SEMA6A: variants seen among roughly 807,000 people sequenced by gnomAD.
SEMA6A encodes semaphorin-6A.
SEMA6A carries 25 observed loss-of-function variants against 96.8 expected under a neutral mutation model. The observed-to-expected ratio is 0.26, with a 90% CI of 0.19 to 0.36. SEMA6A has a LOEUF of 0.36. SEMA6A is among the 10% of genes least tolerant of loss of function. The probability of loss-of-function intolerance (pLI) is 1.00; values close to 1 mark genes in which losing one functional copy is unlikely to be tolerated. For missense variants in SEMA6A, 1,363 were observed against 1,323.1 expected, an observed-to-expected ratio of 1.03 and a Z score of -0.47; for synonymous variants, 612 against 518.0, an observed-to-expected ratio of 1.18 and a Z score of -2.46.
intron 1 of SEMA6A, among the ~76,000 whole-genome samples, chr5:116,513,995 G>GTA (rs1392609849): frequency 2.0e-5 from 3 of 152,174 alleles, no homozygotes; most frequent in Admixed American, 2.0e-4. Flanking sequence ...ATTCCATCAT[G>GTA]TATATGTACC....
At chr5:116,541,812 G>A (rs1415908206) in intron 1 of SEMA6A, among the ~76,000 whole-genome samples, 2 of 152,140 alleles carry the variant, frequency 1.3e-5, no homozygotes, top group South Asian at 4.1e-4. Flanking sequence ...CAGCCTGGGC[G>A]ACAGAATGGG....
chr5:116,492,740 C>G (rs959555954), intron 6 of SEMA6A, among the ~76,000 whole-genome samples: 2 of 152,154 alleles, frequency 1.3e-5, no homozygotes, highest in African/African-American at 2.4e-5. Flanking sequence ...GAGGCAGATA[C>G]TGAAAATTTG....
In SEMA6A at chr5:116,542,638, G is replaced by A. The variant is rs372653225; in HGVS notation, c.-39+31547C>T. Among the ~76,000 whole-genome samples, 94 of 152,306 alleles carry A rather than the reference G, an allele frequency of 6.2e-4. 1 individual carries two copies. The highest frequency in any genetic ancestry group is 2.0e-3 in the African/African-American group (85 of 41,570). ...ATCACACTCTGCTAGGATTCTAAGAGAATCTGGATTTCTTTGACAGTGAAG... is the reference window on the plus strand; with the variant it reads ...ATCACACTCTGCTAGGATTCTAAGAAAATCTGGATTTCTTTGACAGTGAAG... On this transcript the variant is annotated intron_variant, in intron 1 of 18. Transcript: ENST00000343348.
At chr5:116,527,576 C>G (rs993035677) in intron 1 of SEMA6A, among the ~76,000 whole-genome samples, 3 of 152,196 alleles carry the variant, frequency 2.0e-5, no homozygotes, top group Non-Finnish European at 2.9e-5. Context: ...TTCCTAAGAG[C>G]TGATGTCCTG....
At chr5:116,555,505 T>C (rs147120521) in intron 1 of SEMA6A, among the ~76,000 whole-genome samples, 28 of 152,312 alleles carry the variant, frequency 1.8e-4, no homozygotes, top group African/African-American at 6.7e-4. Flanking sequence ...TTATATAAAA[T>C]AAACTTGTTT....
At chr5:116,512,103 T>C (rs908402134) in intron 1 of SEMA6A, among the ~76,000 whole-genome samples, 1 of 152,214 alleles carries the variant, frequency 6.6e-6, no homozygotes, top group African/African-American at 2.4e-5. Context: ...TATCCTTCAC[T>C]GACCTGGACA....
intron 1 of SEMA6A, among the ~76,000 whole-genome samples, chr5:116,548,073 T>C (rs947301139): frequency 3.9e-5 from 6 of 152,136 alleles, no homozygotes; most frequent in African/African-American, 1.4e-4. Context: ...CCCTGAAACT[T>C]AATTTCCCAC....
intron 1 of SEMA6A, among the ~76,000 whole-genome samples, chr5:116,524,742 G>A (rs1759128464): frequency 1.9e-5 from 1 of 53,654 alleles, no homozygotes; most frequent in African/African-American, 4.2e-5. Context: ...ACCTCCTATA[G>A]AATGTGTGTA....
At chr5:116,488,301 T>C in intron 8 of SEMA6A, 105 bp from the exon 9 acceptor site, 1 of 745,576 alleles carries the variant, frequency 1.3e-6, no homozygotes, top group Admixed American at 2.4e-5. Flanking sequence ...TGTAGCACCA[T>C]TAGACATTTG....
At chr5:116,466,671 A>T (rs944008524) in intron 18 of SEMA6A, among the ~76,000 whole-genome samples, 1 of 152,216 alleles carries the variant, frequency 6.6e-6, no homozygotes, top group African/African-American at 2.4e-5. Flanking sequence ...ACTGTCTTCC[A>T]AGGGTCACAG....
intron 1 of SEMA6A, among the ~76,000 whole-genome samples, chr5:116,541,639 C>T (rs1053954456): frequency 2.0e-5 from 3 of 152,128 alleles, no homozygotes; most frequent in Non-Finnish European, 4.4e-5. Flanking sequence ...TCGAGACCAG[C>T]CTGGCCAACA....
chr5:116,519,385 T>A (rs1185539037), intron 1 of SEMA6A, among the ~76,000 whole-genome samples: 1 of 152,174 alleles, frequency 6.6e-6, no homozygotes, highest in Non-Finnish European at 1.5e-5. Flanking sequence ...ACATGAGATG[T>A]GAGAAAATAT....
At position 116,445,795 on chromosome 5, in the gene SEMA6A, C is replaced by T. The variant is rs899038266; in HGVS notation, c.*818G>A. ...GTAAAAATAAAGAAACTCAATTATTCCAGTTAATGGATTTCACGTTAAATA... is the reference window on the plus strand; with the variant it reads ...GTAAAAATAAAGAAACTCAATTATTTCAGTTAATGGATTTCACGTTAAATA... On this transcript the variant is annotated 3_prime_UTR_variant, in exon 19 of 19. Transcript: ENST00000343348. The T allele has an allele frequency of 2.6e-5, 4 of 152,582 alleles. No homozygotes were observed. The highest frequency in any genetic ancestry group is 9.7e-5 in the African/African-American group (4 of 41,412). 9.5% of individuals were successfully genotyped at this position (152,582 alleles called of 1,614,324 possible).
At chr5:116,455,045 G>C (rs775700779) in intron 18 of SEMA6A, among the ~76,000 whole-genome samples, 5 of 152,122 alleles carry the variant, frequency 3.3e-5, no homozygotes, top group Admixed American at 1.3e-4. Flanking sequence ...CTTCCACTTC[G>C]ATCACCTTTA....
chr5:116,566,513 C>T (rs1263667570), intron 1 of SEMA6A, among the ~76,000 whole-genome samples: 4 of 152,220 alleles, frequency 2.6e-5, no homozygotes, highest in African/African-American at 4.8e-5. Context: ...ATCTCACACT[C>T]TTTCCATTCT....
intron 15 of SEMA6A, among the ~76,000 whole-genome samples, chr5:116,477,018 G>A (rs1277818437): frequency 6.6e-6 from 1 of 152,198 alleles, no homozygotes; most frequent in East Asian, 1.9e-4. Flanking sequence ...GGCTCACAGT[G>A]ATTTAAAGAT....
At chr5:116,542,202 A>G (rs149124960) in intron 1 of SEMA6A, among the ~76,000 whole-genome samples, 11 of 152,316 alleles carry the variant, frequency 7.2e-5, no homozygotes, top group African/African-American at 2.6e-4. Context: ...TACAGCTGTT[A>G]CCTGCTAACC....
chr5:116,527,351 C>T (rs533546752), intron 1 of SEMA6A, among the ~76,000 whole-genome samples: 4 of 152,114 alleles, frequency 2.6e-5, no homozygotes, highest in South Asian at 4.1e-4. Context: ...GGCCAAAAGA[C>T]GAATATTGCC....
intron 1 of SEMA6A, among the ~76,000 whole-genome samples, chr5:116,565,855 G>A (rs1215406490): frequency 2.0e-5 from 3 of 152,062 alleles, no homozygotes; most frequent in South Asian, 2.1e-4. Context: ...GGAAAGGAAC[G>A]TTTCCATTCA....
Sources: allele counts gnomAD v4.1 joint callset (sites outside exome capture counted in the v4.1 genomes callset), GRCh38; gene constraint gnomAD v4.1.1; transcripts MANE v1.5; gene names NCBI Gene and HGNC (gene_info 2026-07-23, HGNC 2026-07-21).